The following FBXL18 variants were observed in gnomAD, a reference collection of about 807,000 sequenced individuals.
FBXL18 encodes F-box and leucine rich repeat protein 18, also known as F-box/LRR-repeat protein 18.
Under a neutral mutation model 46.0 loss-of-function variants are expected in FBXL18, and 36 were observed. The observed-to-expected ratio is 0.78, with a 90% CI of 0.60 to 1.03. The LOEUF is 1.03. FBXL18 is among the 50% of genes least tolerant of loss of function. FBXL18 has a pLI of 0.00. For synonymous variants in FBXL18, 557 were observed against 465.3 expected (o/e 1.20, Z -2.54); for missense variants, 977 against 1,004.1 (o/e 0.97, Z 0.36).
At position 5,513,212 on chromosome 7, in the gene FBXL18, C is replaced by G. The variant is rs537946962; in HGVS notation, c.18+445G>C. Among the ~76,000 whole-genome samples, 12 of 152,252 alleles carry G rather than the reference C, an allele frequency of 7.9e-5. No individual in the cohort carries two copies. In the South Asian group the frequency reaches 2.5e-3, roughly 32 times the overall value. On this transcript the variant is annotated intron_variant, in intron 1 of 4. Transcript: ENST00000382368. ...GGCTTTTCCTCCATCACCCACCCCC[C>G]ACGTCATTCAGCAAGCAGGCTCCAG...
chr7:5,471,966 C>T (rs934879657), downstream of FBXL18, among the ~76,000 whole-genome samples: 3 of 152,160 alleles, frequency 2.0e-5, no homozygotes, highest in Non-Finnish European at 4.4e-5. Context: ...GGCGCACCTA[C>T]AGTCCCACCT....
intron 1 of FBXL18, among the ~76,000 whole-genome samples, chr7:5,506,882 T>C (rs1035836077): frequency 6.6e-6 from 1 of 152,202 alleles, no homozygotes; most frequent in Non-Finnish European, 1.5e-5. Flanking sequence ...AGTTCATATC[T>C]GGCAAATTAC....
At chr7:5,470,706 GAGATGTCCCCTTCCC>G (rs1783414667) in intron 4 of FBXL18, among the ~76,000 whole-genome samples, 1 of 1,172 alleles carries the variant, frequency 8.5e-4, no homozygotes, top group Non-Finnish European at 1.4e-3. Context: ...TCCCGGGGGG[GAGATGTCCCCTTCCC>G]GGGGGGGAGA....
chr7:5,473,898 G>A (rs1451402473), downstream of FBXL18, among the ~76,000 whole-genome samples: 1 of 152,030 alleles, frequency 6.6e-6, no homozygotes, highest in Admixed American at 6.6e-5. Context: ...AGGTTCAAGT[G>A]ATTCTCCTCC....
chr7:5,483,269 C>G (rs982700578), intron 4 of FBXL18, among the ~76,000 whole-genome samples: 1 of 151,304 alleles, frequency 6.6e-6, no homozygotes, highest in Non-Finnish European at 1.5e-5. Context: ...GGTGAAACCC[C>G]GTCTCTACTA....
intron 4 of FBXL18, among the ~76,000 whole-genome samples, chr7:5,457,478 C>T (rs537063961): frequency 1.1e-4 from 16 of 152,268 alleles, no homozygotes; most frequent in African/African-American, 2.6e-4. Context: ...GAAGCTGTTT[C>T]GAGCTAGGTT....
At chr7:5,507,770 A>T (rs376470534) in intron 1 of FBXL18, among the ~76,000 whole-genome samples, 1 of 151,874 alleles carries the variant, frequency 6.6e-6, no homozygotes, top group East Asian at 1.9e-4. Context: ...GGAGGCAGAG[A>T]TTGCAGGGAG....
chr7:5,470,839 C>T (rs1386505937), downstream of FBXL18, among the ~76,000 whole-genome samples: 1 of 152,180 alleles, frequency 6.6e-6, no homozygotes, highest in East Asian at 1.9e-4. Context: ...AGCTCTCCTC[C>T]TTCACCCAAG....
rs1783634538 is a variant in FBXL18, at chr7:5,481,137, G to A, written c.*638C>T. ...CTCCAACCAGCAGTCCCAACCTCAG[G>A]GGACCTCTCTGGGGCCACAGGCATC... is the stretch of plus-strand genomic sequence containing the variant. On this transcript the variant is annotated 3_prime_UTR_variant, in exon 5 of 5. Coordinates refer to ENST00000382368, the MANE Select transcript of FBXL18 (RefSeq NM_024963.6). 2 of 152,226 alleles carry A rather than the reference G, an allele frequency of 1.3e-5. No individual in the cohort carries two copies. Among genetic ancestry groups the A allele is most frequent in the Non-Finnish European group, 2.9e-5 (2 of 68,122 alleles). 9.4% of individuals were successfully genotyped at this position (152,226 alleles called of 1,614,324 possible).
chr7:5,500,738 G>C lies in FBXL18; in HGVS notation c.1531C>G (p.Pro511Ala). The change falls in exon 3 of 5, where the codon CCA (proline) becomes GCA (alanine). Residue 511 changes from proline to alanine, a missense_variant. Coordinates refer to ENST00000382368, the MANE Select transcript of FBXL18 (RefSeq NM_024963.6). ...ACACTCTGTGCGCGGCTGCAGGGTG[G>C]GAGCGAGTTGCGGATGGCGGGCTCG... ...RNEPAIRNSL[P>A]PCSRAQSVGD... The C allele has an allele frequency of 6.2e-7, 1 of 1,612,490 alleles. No homozygotes were observed. Among genetic ancestry groups the C allele is most frequent in the Non-Finnish European group, 8.5e-7 (1 of 1,179,684 alleles).
intron 4 of FBXL18, among the ~76,000 whole-genome samples, chr7:5,462,183 G>A (rs1373674319): frequency 1.3e-5 from 2 of 150,206 alleles, no homozygotes; most frequent in Non-Finnish European, 1.5e-5. Flanking sequence ...ACCCAAGATC[G>A]CACCACTGCA....
Position 5,500,718 on chromosome 7 carries a change from CTG to C in FBXL18, c.1549_1550del (p.Gln517GlufsTer184). 6.2e-7 allele frequency: 1 copy of C among 1,611,816 alleles called. No homozygotes were observed. Among genetic ancestry groups the C allele is most frequent in the Non-Finnish European group, 8.5e-7 (1 of 1,179,348 alleles). On this transcript the variant is annotated frameshift_variant, in exon 3 of 5. Coordinates refer to ENST00000382368, the MANE Select transcript of FBXL18 (RefSeq NM_024963.6). LOFTEE classifies it high-confidence loss of function. ...CGGCCACCTCCGAGTCCCCGACACT[CTG>C]TGCGCGGCTGCAGGGTGGGAGCGAG... Reference protein sequence around the residue: ...RNSLPPCSRAQSVGDSEVAAI... With the variant: ...RNSLPPCSRAXSVGDSEVAAI...
Position 5,481,261 on chromosome 7 carries a change from C to G in FBXL18, c.*514G>C, listed in dbSNP as rs922881620. On this transcript the variant is annotated 3_prime_UTR_variant, in exon 5 of 5. Coordinates refer to ENST00000382368, the MANE Select transcript of FBXL18 (RefSeq NM_024963.6). ...CAGCCACTAAACTGGCAGGCCCTTC[C>G]CCATGTCACACTTGACCATGCAAGG... 2 of 159,548 alleles carry G rather than the reference C, an allele frequency of 1.3e-5. No individual in the cohort carries two copies. Among genetic ancestry groups the G allele is most frequent in the Non-Finnish European group, 2.8e-5 (2 of 71,844 alleles). 9.9% of individuals were successfully genotyped at this position (159,548 alleles called of 1,614,324 possible).
chr7:5,509,249 T>G (rs1304267731), intron 1 of FBXL18, among the ~76,000 whole-genome samples: 2 of 150,136 alleles, frequency 1.3e-5, no homozygotes, highest in Admixed American at 1.3e-4. Flanking sequence ...ACGACCACAC[T>G]GAATTTTTCT....
intron 4 of FBXL18, among the ~76,000 whole-genome samples, chr7:5,459,628 T>C (rs1407120911): frequency 6.6e-6 from 1 of 151,556 alleles, no homozygotes; most frequent in African/African-American, 2.4e-5. Flanking sequence ...TAGTCCCAGC[T>C]ACTCAGGAGG....
chr7:5,459,382 C>T (rs1195011898), intron 4 of FBXL18, among the ~76,000 whole-genome samples: 3 of 152,070 alleles, frequency 2.0e-5, no homozygotes, highest in Non-Finnish European at 4.4e-5. Context: ...GCGGGTGGAT[C>T]ACCCGAGGTC....
At position 5,501,195 on chromosome 7, in the gene FBXL18, G is replaced by C; in HGVS notation, c.1074C>G (p.Ser358=). 1 of 1,613,362 alleles carries C rather than the reference G, an allele frequency of 6.2e-7. No homozygotes were observed. Among genetic ancestry groups the C allele is most frequent in the Non-Finnish European group, 8.5e-7 (1 of 1,179,678 alleles). The part of the protein sequence containing the change: ...LNLSGCVHCL[S]PDSLLRKAED... Reference sequence around the variant, plus strand: ...CCGCCTTGCGGAGCAGCGAGTCTGGGGACAGGCAGTGGACGCAGCCGCTGA... The same window carrying C: ...CCGCCTTGCGGAGCAGCGAGTCTGGCGACAGGCAGTGGACGCAGCCGCTGA... The change falls in exon 3 of 5, where the codon TCC becomes TCG. Residue 358 remains serine (S), a synonymous_variant. Transcript: ENST00000382368.
intron 2 of FBXL18, among the ~76,000 whole-genome samples, chr7:5,504,814 G>C (rs1484258819): frequency 6.8e-6 from 1 of 147,566 alleles, no homozygotes; most frequent in Non-Finnish European, 1.5e-5. Flanking sequence ...TACTCGGGAG[G>C]CTGAGGCAGG....
At chr7:5,495,413 C>T (rs1379160505) in intron 3 of FBXL18, among the ~76,000 whole-genome samples, 1 of 152,178 alleles carries the variant, frequency 6.6e-6, no homozygotes, top group Non-Finnish European at 1.5e-5. Context: ...TGACACGCTC[C>T]CCCGCCCTCC....
Sources: allele counts gnomAD v4.1 joint callset (sites outside exome capture counted in the v4.1 genomes callset), GRCh38; gene constraint gnomAD v4.1.1; transcripts MANE v1.5; gene names NCBI Gene and HGNC (gene_info 2026-07-23, HGNC 2026-07-21).